Variants in SPMAP2L observed in about 807,000 individuals in gnomAD.
SPMAP2L encodes the protein sperm microtubule associated protein 2-like.
chr4:56,588,075 T>C, the SPMAP2L span, among the ~76,000 whole-genome samples: 1 of 152,226 alleles, frequency 6.6e-6, no homozygotes, highest in African/African-American at 2.4e-5. Flanking sequence ...ATTAGTGATG[T>C]TGAGCATTTT....
chr4:56,616,192 G>T, the SPMAP2L span, among the ~76,000 whole-genome samples: 1 of 152,162 alleles, frequency 6.6e-6, no homozygotes, highest in Non-Finnish European at 1.5e-5. Context: ...TGTCGGTGGG[G>T]TTGTTTTCTT....
the SPMAP2L span, among the ~76,000 whole-genome samples, chr4:56,548,309 T>C: frequency 1.2e-3 from 189 of 152,306 alleles, no homozygotes; most frequent in Non-Finnish European, 2.2e-3. Context: ...TATATCTTCA[T>C]ATGTGAATTC....
At chr4:56,582,129 C>A in the SPMAP2L span, among the ~76,000 whole-genome samples, 4 of 152,064 alleles carry the variant, frequency 2.6e-5, no homozygotes, top group African/African-American at 9.7e-5. Flanking sequence ...TAGATATGAC[C>A]TTTGGTGTCA....
the SPMAP2L span, among the ~76,000 whole-genome samples, chr4:56,545,527 A>AC: frequency 6.6e-6 from 1 of 151,968 alleles, no homozygotes; most frequent in Non-Finnish European, 1.5e-5. Flanking sequence ...GGAGTTCAAG[A>AC]CCAGCCTGGG....
At chr4:56,599,594 C>G in the SPMAP2L span, among the ~76,000 whole-genome samples, 2 of 152,266 alleles carry the variant, frequency 1.3e-5, no homozygotes, top group African/African-American at 4.8e-5. Flanking sequence ...TGTTGTTCCC[C>G]TCTCTGTGTC....
chr4:56,620,918 A>T, the SPMAP2L span, among the ~76,000 whole-genome samples: 1 of 152,212 alleles, frequency 6.6e-6, no homozygotes, highest in Non-Finnish European at 1.5e-5. Flanking sequence ...TCTCCATGTC[A>T]GGAGAACCAT....
the SPMAP2L span, among the ~76,000 whole-genome samples, chr4:56,545,458 G>A: frequency 3.3e-5 from 5 of 152,076 alleles, no homozygotes; most frequent in Non-Finnish European, 7.4e-5. Flanking sequence ...TCATGGCTAC[G>A]TGTGGTGACT....
the SPMAP2L span, among the ~76,000 whole-genome samples, chr4:56,533,994 C>G: frequency 6.6e-6 from 1 of 152,016 alleles, no homozygotes; most frequent in Admixed American, 6.6e-5. Context: ...CAAACAACAA[C>G]AACGACAACA....
At chr4:56,553,749 C>T in the SPMAP2L span, among the ~76,000 whole-genome samples, 1 of 152,010 alleles carries the variant, frequency 6.6e-6, no homozygotes, top group East Asian at 1.9e-4. Context: ...ATGGGTTTGA[C>T]AAATGCATAA....
chr4:56,549,503 AG>A, the SPMAP2L span, among the ~76,000 whole-genome samples: 1 of 152,226 alleles, frequency 6.6e-6, no homozygotes, highest in Non-Finnish European at 1.5e-5. Context: ...TATGAAAAAA[AG>A]AAAAGAAAAA....
At chr4:56,583,908 A>G in the SPMAP2L span, among the ~76,000 whole-genome samples, 1 of 152,212 alleles carries the variant, frequency 6.6e-6, no homozygotes, top group Non-Finnish European at 1.5e-5. Context: ...ATTTCATAAT[A>G]ATTTTGGTTT....
chr4:56,583,721 TGGTGACTGGAATTTTTATTTCAGA>T, the SPMAP2L span, among the ~76,000 whole-genome samples: 2 of 152,140 alleles, frequency 1.3e-5, no homozygotes, highest in Non-Finnish European at 1.5e-5. Context: ...GGGCCCTCAG[TGGTGACTGGAATTTTTATTTCAGA>T]GATTTAAGAG....
At chr4:56,538,962 G>T in the SPMAP2L span, among the ~76,000 whole-genome samples, 1 of 152,156 alleles carries the variant, frequency 6.6e-6, no homozygotes, top group Non-Finnish European at 1.5e-5. Context: ...AAAAAGTGGT[G>T]TAAACATTGG....
chr4:56,611,556 G>C, the SPMAP2L span, among the ~76,000 whole-genome samples: 3 of 152,126 alleles, frequency 2.0e-5, no homozygotes, highest in East Asian at 5.8e-4. Context: ...AATACCACCT[G>C]TTCCCCAATA....
the SPMAP2L span, among the ~76,000 whole-genome samples, chr4:56,609,733 G>A: frequency 1.3e-5 from 2 of 152,156 alleles, no homozygotes; most frequent in Non-Finnish European, 2.9e-5. Flanking sequence ...GAGCTTGAGA[G>A]AGTTCATCCC....
chr4:56,543,555 C>G, the SPMAP2L span, among the ~76,000 whole-genome samples: 1 of 151,958 alleles, frequency 6.6e-6, no homozygotes, highest in Non-Finnish European at 1.5e-5. Flanking sequence ...TGCCAGGTGT[C>G]GTGGTGTGCA....
At chr4:56,568,512 C>A in the SPMAP2L span, among the ~76,000 whole-genome samples, 1 of 152,052 alleles carries the variant, frequency 6.6e-6, no homozygotes, top group African/African-American at 2.4e-5. Flanking sequence ...AATTCACTTA[C>A]CAAATAATTT....
the SPMAP2L span, among the ~76,000 whole-genome samples, chr4:56,570,363 CAT>C: frequency 6.6e-6 from 1 of 152,182 alleles, no homozygotes; most frequent in African/African-American, 2.4e-5. Flanking sequence ...GTACAAACAT[CAT>C]AAAGTGCACT....
At chr4:56,594,966 T>A in the SPMAP2L span, 4 of 1,609,914 alleles carry the variant, frequency 2.5e-6, no homozygotes, top group Non-Finnish European at 3.4e-6. Flanking sequence ...ATGGGGCCCA[T>A]TGGCGTAAGA....
Sources: gnomAD v4.1 joint callset for allele counts (sites outside exome capture counted in the v4.1 genomes callset) on GRCh38, gnomAD v4.1.1 for gene constraint, MANE v1.5 for transcripts, NCBI Gene and HGNC (gene_info 2026-07-23, HGNC 2026-07-21) for gene names.